The following CSMD1 variants were observed in gnomAD, a reference collection of about 807,000 sequenced individuals.
The protein encoded by CSMD1 is CUB and sushi domain-containing protein 1.
CSMD1 carries 213 observed loss-of-function variants against 417.5 expected under a neutral mutation model. The ratio of observed to expected loss-of-function variants is 0.51; its 90% CI spans 0.46 to 0.57. The LOEUF is 0.57. CSMD1 is among the 20% of genes least tolerant of loss of function. The pLI is 0.00. For missense variants in CSMD1, 6,923 were observed against 4,529.7 expected, an observed-to-expected ratio of 1.53 and a Z score of -15.17; for synonymous variants, 2,862 against 1,736.8, an observed-to-expected ratio of 1.65 and a Z score of -16.11.
At chr8:3,717,670 G>A (rs971502069) in intron 6 of CSMD1, among the ~76,000 whole-genome samples, 9 of 152,082 alleles carry the variant, frequency 5.9e-5, no homozygotes, top group Non-Finnish European at 1.0e-4. Context: ...TATGTGCATT[G>A]TATATATAAG....
At chr8:4,881,865 T>A (rs1229241825) in intron 1 of CSMD1, among the ~76,000 whole-genome samples, 1 of 152,090 alleles carries the variant, frequency 6.6e-6, no homozygotes, top group African/African-American at 2.4e-5. Flanking sequence ...TGTTTTGTTA[T>A]TTTTCAACAC....
intron 5 of CSMD1, among the ~76,000 whole-genome samples, chr8:3,947,285 T>C (rs34463230): frequency 0.36 from 54,521 of 151,912 alleles, 10,237 homozygotes; most frequent in South Asian, 0.47. Context: ...TTGACGTGAT[T>C]ATGTATGCAG....
chr8:4,023,894 G>T (rs1796925210), intron 4 of CSMD1, among the ~76,000 whole-genome samples: 1 of 150,744 alleles, frequency 6.6e-6, no homozygotes. Flanking sequence ...TGGGATTACA[G>T]GCGTGAGCCA....
chr8:3,203,434 G>T (rs937354852), intron 31 of CSMD1, among the ~76,000 whole-genome samples: 2 of 152,188 alleles, frequency 1.3e-5, no homozygotes, highest in African/African-American at 4.8e-5. Flanking sequence ...CAAACAAAGG[G>T]TTATGGGGCT....
chr8:3,468,283 A>G (rs143209304), intron 12 of CSMD1, among the ~76,000 whole-genome samples: 1,984 of 152,332 alleles, frequency 0.013, 49 homozygotes, highest in African/African-American at 0.046. Flanking sequence ...TGACAGGCAC[A>G]GGGCTTTCAT....
At chr8:3,805,092 A>T (rs1222624575) in intron 5 of CSMD1, among the ~76,000 whole-genome samples, 1 of 142,054 alleles carries the variant, frequency 7.0e-6, no homozygotes, top group Non-Finnish European at 1.6e-5. Flanking sequence ...TACTACGGGA[A>T]CCCCACTGTT....
intron 2 of CSMD1, among the ~76,000 whole-genome samples, chr8:4,515,033 C>A (rs1349562371): frequency 6.6e-6 from 1 of 152,058 alleles, no homozygotes; most frequent in Non-Finnish European, 1.5e-5. Flanking sequence ...AAAGAAGAAG[C>A]ACTTTCAGAA....
intron 3 of CSMD1, among the ~76,000 whole-genome samples, chr8:4,216,291 G>T (rs1043048832): frequency 6.6e-6 from 1 of 151,976 alleles, no homozygotes; most frequent in Non-Finnish European, 1.5e-5. Context: ...CCCTGTGGTT[G>T]CCTAGTCAAT....
intron 5 of CSMD1, among the ~76,000 whole-genome samples, chr8:3,898,347 A>C (rs1459951075): frequency 8.1e-6 from 1 of 123,904 alleles, no homozygotes; most frequent in East Asian, 2.7e-4. Context: ...TGTGTGTAGT[A>C]AACTCTCTGT....
chr8:4,367,904 A>T (rs1802177700), intron 3 of CSMD1, among the ~76,000 whole-genome samples: 1 of 152,194 alleles, frequency 6.6e-6, no homozygotes, highest in East Asian at 1.9e-4. Flanking sequence ...ATTATTTTGT[A>T]TCCTGAAACA....
At chr8:4,031,309 A>G (rs893193145) in intron 4 of CSMD1, among the ~76,000 whole-genome samples, 1 of 152,210 alleles carries the variant, frequency 6.6e-6, no homozygotes, top group Non-Finnish European at 1.5e-5. Context: ...TACCGTCCCA[A>G]GTGGCTGGGG....
chr8:3,237,021 A>G (rs957395137), intron 26 of CSMD1, among the ~76,000 whole-genome samples: 1 of 152,072 alleles, frequency 6.6e-6, no homozygotes, highest in African/African-American at 2.4e-5. Flanking sequence ...AGCTTGAGCA[A>G]CAAAGAACCT....
At position 4,440,991 on chromosome 8, in the gene CSMD1, T is replaced by A. The variant is rs538189785; in HGVS notation, c.303-20926A>T. ...CAGCCTAGATGACACAGTGAGACTC[T>A]ATCTCAAAAAAAAAAAATTAAAAAT... is the stretch of plus-strand genomic sequence containing the variant. On this transcript the variant is annotated intron_variant, in intron 2 of 69. Transcript: ENST00000635120. Among the ~76,000 whole-genome samples, 7 of 135,338 alleles carry A rather than the reference T, an allele frequency of 5.2e-5. No individual in the cohort carries two copies. The Admixed American group carries it at 5.2e-4, about 10-fold the overall frequency. The allele number at this position is 135,338 out of a possible 152,430, so 88.8% of individuals were successfully genotyped here. A position where few individuals can be genotyped will look rare whatever the true frequency, so the allele number is the denominator to read the frequency against.
chr8:3,248,309 G>A (rs971547177), intron 26 of CSMD1, among the ~76,000 whole-genome samples: 3 of 58,598 alleles, frequency 5.1e-5, no homozygotes, highest in Non-Finnish European at 1.5e-4. Context: ...GCTTGCACCT[G>A]TTGTCTCAGA....
chr8:4,821,350 T>C (rs979985346), intron 1 of CSMD1, among the ~76,000 whole-genome samples: 4 of 152,146 alleles, frequency 2.6e-5, no homozygotes, highest in Admixed American at 6.6e-5. Context: ...TTTATCCAAA[T>C]AGTTAAATAG....
intron 5 of CSMD1, among the ~76,000 whole-genome samples, chr8:3,888,319 C>A (rs1000404680): frequency 2.6e-5 from 4 of 152,152 alleles, no homozygotes; most frequent in African/African-American, 9.7e-5. Flanking sequence ...TCAAGGCAAG[C>A]ATTTGTATCC....
chr8:4,412,863 AAGGAATTCAG>A (rs1422057779), intron 3 of CSMD1, among the ~76,000 whole-genome samples: 3 of 152,216 alleles, frequency 2.0e-5, no homozygotes. Context: ...CTGCTCAAAC[AAGGAATTCAG>A]AACAAGAAAA....
At chr8:3,512,767 C>T (rs769064126) in intron 10 of CSMD1, among the ~76,000 whole-genome samples, 2 of 152,014 alleles carry the variant, frequency 1.3e-5, no homozygotes, top group Non-Finnish European at 1.5e-5. Context: ...TGCCACCACA[C>T]GCAGGTTTTT....
intron 4 of CSMD1, among the ~76,000 whole-genome samples, chr8:4,019,934 C>CTT (rs199529672): frequency 9.7e-5 from 14 of 144,736 alleles, no homozygotes; most frequent in African/African-American, 3.6e-4. Flanking sequence ...AAAAAAAACC[C>CTT]TTTTTTTTAA....
Sources: gnomAD v4.1 joint callset for allele counts (sites outside exome capture counted in the v4.1 genomes callset) on GRCh38, gnomAD v4.1.1 for gene constraint, MANE v1.5 for transcripts, NCBI Gene and HGNC (gene_info 2026-07-23, HGNC 2026-07-21) for gene names.